ZNF385D: variants seen among roughly 807,000 people sequenced by gnomAD.
The protein encoded by ZNF385D is zinc finger protein 659.
In ZNF385D, 15 loss-of-function variants were observed where a neutral mutation model predicts 35.8. That is an observed-to-expected ratio of 0.42 (90% CI 0.28 to 0.64). ZNF385D has a LOEUF of 0.64. Ranked by LOEUF, ZNF385D falls within the 30% of genes least tolerant of loss-of-function variation. The pLI is 0.23. For missense variants in ZNF385D, 474 were observed against 494.6 expected (o/e 0.96, Z 0.39); for synonymous variants, 212 against 186.8 (o/e 1.13, Z -1.10).
chr3:21,699,932 AG>A (rs1030937585), intron 1 of ZNF385D, among the ~76,000 whole-genome samples: 24 of 144,682 alleles, frequency 1.7e-4, no homozygotes, highest in African/African-American at 6.2e-4. Flanking sequence ...CCTAGGTTCG[AG>A]TGATTCTCTT....
Position 22,186,816 on chromosome 3 carries a change from A to C in ZNF385D, c.107-17781T>G, listed in dbSNP as rs532917048. 5.9e-5 allele frequency among the ~76,000 whole-genome samples: 9 copies of C among 152,324 alleles called. No homozygotes were observed. In the South Asian group the frequency reaches 1.7e-3, roughly 28 times the overall value. ...CAATACCGTATTTGAGATTGCTCAT[A>C]ATCAACTGGTATTTTATGAAGGACA... On this transcript the variant is annotated intron_variant, in intron 2 of 5. Coordinates refer to the ZNF385D transcript ENST00000494108.
chr3:21,919,916 T>G (rs1355098034), intron 3 of ZNF385D, among the ~76,000 whole-genome samples: 1 of 152,198 alleles, frequency 6.6e-6, no homozygotes, highest in Non-Finnish European at 1.5e-5. Context: ...AGACAAAGAC[T>G]TTCGTGTGCC....
chr3:22,105,884 CAATT>C (rs1167680429), intron 3 of ZNF385D, among the ~76,000 whole-genome samples: 1 of 151,940 alleles, frequency 6.6e-6, no homozygotes, highest in African/African-American at 2.4e-5. Flanking sequence ...AATTAATCAC[CAATT>C]AATATAGTAG....
At chr3:22,279,020 T>C (rs1176461303) in intron 2 of ZNF385D, among the ~76,000 whole-genome samples, 2 of 152,096 alleles carry the variant, frequency 1.3e-5, no homozygotes, top group African/African-American at 2.4e-5. Flanking sequence ...TTCTATGGCG[T>C]CCACTTCCTA....
At chr3:22,116,854 G>T (rs996247227) in intron 3 of ZNF385D, among the ~76,000 whole-genome samples, 5 of 151,988 alleles carry the variant, frequency 3.3e-5, no homozygotes, top group African/African-American at 4.8e-5. Flanking sequence ...TATAGAAATT[G>T]TCTGTAACAC....
intron 2 of ZNF385D, among the ~76,000 whole-genome samples, chr3:22,175,906 A>C (rs910698756): frequency 6.7e-6 from 1 of 148,780 alleles, no homozygotes; most frequent in Non-Finnish European, 1.5e-5. Flanking sequence ...TAAAACATTA[A>C]ATATATATTA....
intron 3 of ZNF385D, among the ~76,000 whole-genome samples, chr3:21,886,297 G>T (rs1698543233): frequency 6.6e-6 from 1 of 151,834 alleles, no homozygotes; most frequent in African/African-American, 2.4e-5. Context: ...GTATAGATGT[G>T]TCTTGTACTT....
intron 3 of ZNF385D, among the ~76,000 whole-genome samples, chr3:21,882,991 G>T (rs73040601): frequency 0.02 from 3,019 of 151,964 alleles, 41 homozygotes; most frequent in Non-Finnish European, 0.033. Context: ...CCTCACTATT[G>T]AACAAACCCT....
At chr3:22,292,993 T>C (rs970412500) in intron 2 of ZNF385D, among the ~76,000 whole-genome samples, 1 of 152,156 alleles carries the variant, frequency 6.6e-6, no homozygotes, top group Non-Finnish European at 1.5e-5. Context: ...TGCAACTACA[T>C]GATTTATTAT....
Position 21,630,064 on chromosome 3 carries a change from C to G in ZNF385D, c.165+34822G>C, listed in dbSNP as rs1354975240. On this transcript the variant is annotated intron_variant, in intron 2 of 7. Coordinates refer to ENST00000281523, the MANE Select transcript of ZNF385D (RefSeq NM_024697.3). ...CCTATGAAGTTTATTTTATTATTAT[C>G]ATAACCATTTGATACAGAGGAAAAT... is the stretch of plus-strand genomic sequence containing the variant. Among the ~76,000 whole-genome samples the G allele has an allele frequency of 2.6e-5, 4 of 151,986 alleles. No individual in the cohort carries two copies. In the South Asian group the frequency reaches 8.3e-4, roughly 31 times the overall value.
At chr3:21,543,543 A>T (rs959551195) in intron 3 of ZNF385D, among the ~76,000 whole-genome samples, 2 of 152,164 alleles carry the variant, frequency 1.3e-5, no homozygotes, top group African/African-American at 4.8e-5. Flanking sequence ...TCCCAGCCAC[A>T]AGCGTCTGCA....
chr3:22,206,107 AC>A (rs1316376122), intron 2 of ZNF385D, among the ~76,000 whole-genome samples: 4 of 152,066 alleles, frequency 2.6e-5, no homozygotes, highest in African/African-American at 7.2e-5. Flanking sequence ...GCAAATGGTA[AC>A]CATAAAAAGG....
intron 3 of ZNF385D, among the ~76,000 whole-genome samples, chr3:21,848,776 T>C (rs118068889): frequency 6.6e-6 from 1 of 152,040 alleles, no homozygotes; most frequent in South Asian, 2.1e-4. Context: ...TCCAGGACCA[T>C]ATGGCTTCAC....
At position 22,104,430 on chromosome 3, in the gene ZNF385D, G is replaced by A. The variant is rs1242924095; in HGVS notation, c.325+64387C>T. 3.9e-5 allele frequency among the ~76,000 whole-genome samples: 6 copies of A among 152,218 alleles called. No homozygotes were observed. In the East Asian group the frequency reaches 7.7e-4, roughly 20 times the overall value. ...GAAGACTAATGACATTCTTCTGCAG[G>A]TAGTATTTTGATGTTTAAGCTCCAT... On this transcript the variant is annotated intron_variant, in intron 3 of 5. Transcript: ENST00000494108.
At chr3:21,450,166 A>G (rs1057194687) in intron 4 of ZNF385D, among the ~76,000 whole-genome samples, 3 of 152,156 alleles carry the variant, frequency 2.0e-5, no homozygotes, top group African/African-American at 7.2e-5. Flanking sequence ...CATGGTCACT[A>G]CCTGCACCTC....
intron 4 of ZNF385D, among the ~76,000 whole-genome samples, chr3:21,505,105 T>C (rs1188824645): frequency 6.6e-6 from 1 of 152,118 alleles, no homozygotes; most frequent in Non-Finnish European, 1.5e-5. Context: ...AAAAGACAAC[T>C]AGAAAGCTTT....
intron 2 of ZNF385D, among the ~76,000 whole-genome samples, chr3:22,186,733 G>T (rs892562095): frequency 6.6e-6 from 1 of 152,006 alleles, no homozygotes; most frequent in Non-Finnish European, 1.5e-5. Flanking sequence ...AGATAGGTTA[G>T]ACCCCAGTAT....
chr3:22,025,039 C>T (rs905784761), intron 3 of ZNF385D, among the ~76,000 whole-genome samples: 1 of 152,056 alleles, frequency 6.6e-6, no homozygotes, highest in African/African-American at 2.4e-5. Flanking sequence ...AAAGTGAGGG[C>T]ATTGATTAAA....
chr3:22,178,105 T>G (rs1477112527), intron 2 of ZNF385D, among the ~76,000 whole-genome samples: 1 of 152,214 alleles, frequency 6.6e-6, no homozygotes, highest in Non-Finnish European at 1.5e-5. Flanking sequence ...TACCCAGTAA[T>G]GGGATGGCTG....
Sources: gnomAD v4.1 joint callset for allele counts (sites outside exome capture counted in the v4.1 genomes callset) on GRCh38, gnomAD v4.1.1 for gene constraint, MANE v1.5 for transcripts, NCBI Gene and HGNC (gene_info 2026-07-23, HGNC 2026-07-21) for gene names.